Variants in ASIP observed in about 807,000 individuals in gnomAD.
The protein encoded by ASIP is agouti signaling protein.
Under a neutral mutation model 10.3 loss-of-function variants are expected in ASIP, and 11 were observed. The ratio of observed to expected loss-of-function variants is 1.07; its 90% confidence interval spans 0.68 to 1.78. The LOEUF (loss-of-function observed/expected upper bound fraction) is 1.78. Among genes scored for constraint, ASIP ranks in the 40% most tolerant of loss-of-function variants. The pLI, the probability that ASIP is intolerant of heterozygous loss-of-function variation, is 0.00. For missense variants in ASIP, 180 were observed against 169.2 expected, an observed-to-expected ratio of 1.06 and a Z score of -0.35; for synonymous variants, 70 against 70.8, an observed-to-expected ratio of 0.99 and a Z score of 0.06.
chr20:34,265,568 CT>C (rs1314535571), intron 3 of ASIP, among the ~76,000 whole-genome samples: 1 of 152,036 alleles, frequency 6.6e-6, no homozygotes, highest in African/African-American at 2.4e-5. Context: ...GTTTGTGCCC[CT>C]AACCCCTGCA....
intron 1 of ASIP, 96 bp downstream of exon 1, chr20:34,241,585 G>A (rs540252077): frequency 1.0e-6 from 1 of 967,476 alleles, no homozygotes; most frequent in East Asian, 1.1e-4. Flanking sequence ...TCCTTTCTTG[G>A]AAAGTTAAAC....
At chr20:34,216,024 G>A (rs796170657) in intron 1 of ASIP, 17 of 662,998 alleles carry the variant, frequency 2.6e-5, no homozygotes, top group African/African-American at 2.5e-4. Flanking sequence ...CCAGCGGAAC[G>A]GAGCCGAGCG....
chr20:34,231,539 A>C (rs1260263556), intron 1 of ASIP, among the ~76,000 whole-genome samples: 1 of 152,238 alleles, frequency 6.6e-6, no homozygotes, highest in Non-Finnish European at 1.5e-5. Context: ...GGCTTTGTCG[A>C]AATTAATAAC....
chr20:34,232,007 T>A (rs2035124730), intron 1 of ASIP, among the ~76,000 whole-genome samples: 1 of 152,188 alleles, frequency 6.6e-6, no homozygotes, highest in South Asian at 2.1e-4. Flanking sequence ...TTATTATTCA[T>A]CACACAGCAA....
rs2034889360 is a variant in ASIP, at chr20:34,200,969, T to TTCCTTCCTTCCTTCCTTCC, written c.-11+6210_-11+6211insCCTTCCTTCCTTCCTTCCT. On this transcript the variant is annotated intron_variant, in intron 1 of 3. Coordinates refer to the ASIP transcript ENST00000568305. ...TTGATTTTCTTTCTTTCTTTCTTTCTTTCCTTCCTTCCTTCCTTCCTTCCT... is the reference window on the plus strand; with the variant it reads ...TTGATTTTCTTTCTTTCTTTCTTTCTTCCTTCCTTCCTTCCTTCCTTCCTTCCTTCCTTCCTTCCTTCCT... 5.5e-5 allele frequency among the ~76,000 whole-genome samples: 4 copies of TTCCTTCCTTCCTTCCTTCC among 72,970 alleles called. No homozygotes were observed. The East Asian group carries it at 1.2e-3, about 23-fold the overall frequency. The allele number at this position is 72,970 out of a possible 152,430, so 47.9% of individuals were successfully genotyped here.
At chr20:34,206,965 G>A (rs1305222980) in intron 1 of ASIP, among the ~76,000 whole-genome samples, 1 of 152,108 alleles carries the variant, frequency 6.6e-6, no homozygotes, top group Admixed American at 6.6e-5. Flanking sequence ...AATAAACATG[G>A]GAGTGCAGAT....
chr20:34,266,951 A>G (rs1447042642), intron 3 of ASIP, among the ~76,000 whole-genome samples: 2 of 152,134 alleles, frequency 1.3e-5, no homozygotes, highest in Non-Finnish European at 2.9e-5. Flanking sequence ...ATCAACTGTA[A>G]CCAAAGCAAG....
chr20:34,198,868 G>A (rs943938118), intron 1 of ASIP, among the ~76,000 whole-genome samples: 1 of 152,096 alleles, frequency 6.6e-6, no homozygotes, highest in Non-Finnish European at 1.5e-5. Context: ...AACACTCCCA[G>A]AAAACTAGAA....
In ASIP at chr20:34,269,108, T is replaced by C; in HGVS notation, c.340T>C (p.Cys114Arg). ...CGCCTGCTGCGACCCGTGCGCCTCC[T>C]GCCAGTGCCGCTTCTTCCGCAGCGC... ...APACCDPCAS[C>R]QCRFFRSACS... The change falls in exon 4 of 4, where the codon TGC (cysteine) becomes CGC (arginine). Residue 114 changes from cysteine to arginine, a missense_variant. By Grantham distance (180) the Cys-to-Arg change is radical (BLOSUM62 -3). Coordinates refer to ENST00000374954, the MANE Select transcript of ASIP (RefSeq NM_001672.3). The C allele has an allele frequency of 6.4e-7, 1 of 1,566,516 alleles. No homozygotes were observed. Among genetic ancestry groups the C allele is most frequent in the East Asian group, 2.4e-5 (1 of 41,858 alleles).
chr20:34,216,298 G>C lies in ASIP; in HGVS notation c.-11+21538G>C, dbSNP rs187305341. On this transcript the variant is annotated intron_variant, in intron 1 of 3. Transcript: ENST00000568305. ...TGAGTCAGCGCGAAGCGCCCTCTCC[G>C]AGTAGGTGCCGCGCGGGCGGGCGCT... is the stretch of plus-strand genomic sequence containing the variant. Among the ~76,000 whole-genome samples the C allele has an allele frequency of 1.8e-3, 278 of 152,310 alleles. 11 individuals are homozygous for C. The East Asian group carries it at 0.021, about 12-fold the overall frequency.
At chr20:34,240,859 C>T (rs961177606), upstream of ASIP, among the ~76,000 whole-genome samples, 2 of 152,138 alleles carry the variant, frequency 1.3e-5, no homozygotes, top group African/African-American at 4.8e-5. Flanking sequence ...AATTCCAATT[C>T]TAAAGAATTG....
chr20:34,186,781 G>A, the ASIP span, among the ~76,000 whole-genome samples: 2 of 152,212 alleles, frequency 1.3e-5, no homozygotes, highest in South Asian at 4.1e-4. Flanking sequence ...ATTTGGGGTA[G>A]CTTTGGCAGC....
chr20:34,222,091 C>G (rs536250389), intron 1 of ASIP, among the ~76,000 whole-genome samples: 1 of 152,198 alleles, frequency 6.6e-6, no homozygotes, highest in African/African-American at 2.4e-5. Flanking sequence ...GCCTGGGCAA[C>G]AGAGTGAGAC....
intron 3 of ASIP, among the ~76,000 whole-genome samples, chr20:34,266,408 C>A (rs1176486300): frequency 6.6e-6 from 1 of 151,592 alleles, no homozygotes; most frequent in East Asian, 1.9e-4. Context: ...CACGGTGGCT[C>A]ATAACTGTAA....
intron 1 of ASIP, chr20:34,215,084 C>A: frequency 6.4e-7 from 1 of 1,562,244 alleles, no homozygotes; most frequent in South Asian, 1.1e-5. Flanking sequence ...GACTGTAATA[C>A]TTGACACAAA....
At chr20:34,189,636 A>G (rs147651295), upstream of ASIP, among the ~76,000 whole-genome samples, 4 of 152,284 alleles carry the variant, frequency 2.6e-5, no homozygotes, top group African/African-American at 7.2e-5. Context: ...GCACAATAAC[A>G]CATTATAACA....
At chr20:34,207,546 C>T (rs1399288632) in intron 1 of ASIP, among the ~76,000 whole-genome samples, 1 of 152,014 alleles carries the variant, frequency 6.6e-6, no homozygotes, top group Non-Finnish European at 1.5e-5. Flanking sequence ...TCGCATTTGT[C>T]CATTTTTGCT....
At chr20:34,234,305 C>A (rs1468910977) in intron 1 of ASIP, among the ~76,000 whole-genome samples, 1 of 152,094 alleles carries the variant, frequency 6.6e-6, no homozygotes, top group African/African-American at 2.4e-5. Flanking sequence ...CAGACAAGAC[C>A]ACTAGTGCCT....
chr20:34,203,472 A>C (rs955930764), intron 1 of ASIP, among the ~76,000 whole-genome samples: 1 of 152,018 alleles, frequency 6.6e-6, no homozygotes, highest in Non-Finnish European at 1.5e-5. Context: ...ATTTTGGCAC[A>C]CTGCAACCTC....
Sources: allele counts gnomAD v4.1 joint callset (sites outside exome capture counted in the v4.1 genomes callset), GRCh38; gene constraint gnomAD v4.1.1; transcripts MANE v1.5; gene names NCBI Gene and HGNC (gene_info 2026-07-23, HGNC 2026-07-21).